Variants in SNX4 observed in about 807,000 individuals in gnomAD.
The protein encoded by SNX4 is sorting nexin-4.
Under a neutral mutation model 70.8 loss-of-function variants are expected in SNX4, and 49 were observed. The observed-to-expected ratio is 0.69, with a 90% CI of 0.55 to 0.88. The LOEUF is 0.88. SNX4 is among the 40% of genes least tolerant of loss of function. SNX4 has a pLI of 0.00. For missense variants in SNX4, 528 were observed against 544.8 expected (o/e 0.97, Z 0.31); for synonymous variants, 206 against 183.8 (o/e 1.12, Z -0.98).
intron 11 of SNX4, among the ~76,000 whole-genome samples, chr3:125,456,564 T>C (rs1032211318): frequency 6.6e-6 from 1 of 152,136 alleles, no homozygotes; most frequent in African/African-American, 2.4e-5. Flanking sequence ...GGAAGACCAC[T>C]TGATCCCAGG....
intron 7 of SNX4, 125 bp downstream of exon 7, chr3:125,480,122 A>T: frequency 2.0e-6 from 1 of 499,958 alleles, no homozygotes; most frequent in Non-Finnish European, 3.5e-6. Context: ...GATGATGAAC[A>T]TATAAATTCA....
At chr3:125,451,097 C>T (rs532704782) in intron 13 of SNX4, among the ~76,000 whole-genome samples, 2 of 152,060 alleles carry the variant, frequency 1.3e-5, no homozygotes, top group African/African-American at 4.8e-5. Flanking sequence ...GAGACCCCCC[C>T]ATATCTATTT....
intron 2 of SNX4, among the ~76,000 whole-genome samples, chr3:125,500,937 C>T (rs945001470): frequency 1.4e-5 from 2 of 144,658 alleles, no homozygotes; most frequent in Non-Finnish European, 3.0e-5. Flanking sequence ...GACAATTGGA[C>T]TACAGACAGT....
intron 6 of SNX4, among the ~76,000 whole-genome samples, chr3:125,486,981 T>C (rs2107550338): frequency 6.6e-6 from 1 of 152,214 alleles, no homozygotes; most frequent in East Asian, 1.9e-4. Context: ...CACATAAAAG[T>C]AGAAGACTCC....
chr3:125,490,557 A>G lies in SNX4; in HGVS notation c.598-1094T>C, dbSNP rs541257566. On this transcript the variant is annotated intron_variant, in intron 5 of 13. Transcript: ENST00000251775. Reference sequence around the variant, plus strand: ...AAAAAAAAAAAAAAGAAATACATGTACTAAGTAACACTCTACTAAATAAAA... The same window carrying G: ...AAAAAAAAAAAAAAGAAATACATGTGCTAAGTAACACTCTACTAAATAAAA... Among the ~76,000 whole-genome samples, 62 of 151,332 alleles carry G rather than the reference A, an allele frequency of 4.1e-4. No individual in the cohort carries two copies. In the South Asian group the frequency reaches 0.013, roughly 31 times the overall value.
In SNX4 at chr3:125,495,265, T is replaced by TAC. The variant is rs1934761973; in HGVS notation, c.597+2075_597+2076insGT. 5.8e-5 allele frequency among the ~76,000 whole-genome samples: 4 copies of TAC among 69,224 alleles called. 1 individual carries two copies. In the South Asian group the frequency reaches 2.0e-3, roughly 34 times the overall value. The allele number at this position is 69,224 out of a possible 152,430, so 45.4% of individuals were successfully genotyped here. On this transcript the variant is annotated intron_variant, in intron 5 of 13. Coordinates refer to ENST00000251775, the MANE Select transcript of SNX4 (RefSeq NM_003794.4). ...CATTCTCTCTTTATATATATATATATATATATATATATACACATACACACA... is the reference window on the plus strand; with the variant it reads ...CATTCTCTCTTTATATATATATATATACATATATATATATACACATACACACA...
At chr3:125,495,272 A>ATATATATATATATATATATATATG (rs1934763066) in intron 5 of SNX4, among the ~76,000 whole-genome samples, 1 of 85,218 alleles carries the variant, frequency 1.2e-5, no homozygotes, top group African/African-American at 4.1e-5. Context: ...ATATATATAT[A>ATATATATATATATATATATATATG]TATATACACA....
At chr3:125,506,800 G>A (rs1935052279) in intron 1 of SNX4, among the ~76,000 whole-genome samples, 1 of 37,066 alleles carries the variant, frequency 2.7e-5, no homozygotes, top group African/African-American at 8.4e-5. Context: ...AGAACTTAAA[G>A]AAAGATGTGG....
intron 1 of SNX4, among the ~76,000 whole-genome samples, chr3:125,506,404 A>G (rs1397079395): frequency 6.6e-6 from 1 of 150,666 alleles, no homozygotes; most frequent in African/African-American, 2.5e-5. Flanking sequence ...GCTGTGGTGC[A>G]ATCTCAATTC....
chr3:125,462,469 A>T (rs1266177165), intron 9 of SNX4, among the ~76,000 whole-genome samples: 1 of 151,916 alleles, frequency 6.6e-6, no homozygotes. Context: ...GCATGCCTAT[A>T]GTCCCAGGTG....
chr3:125,510,224 AGAT>A (rs1471956499), intron 1 of SNX4, among the ~76,000 whole-genome samples: 1 of 152,100 alleles, frequency 6.6e-6, no homozygotes, highest in Non-Finnish European at 1.5e-5. Context: ...GTCCATCAAC[AGAT>A]GAATGGATTT....
At chr3:125,459,047 G>A (rs1198787541) in intron 10 of SNX4, among the ~76,000 whole-genome samples, 1 of 151,968 alleles carries the variant, frequency 6.6e-6, no homozygotes, top group Non-Finnish European at 1.5e-5. Context: ...GGTGGTGCAT[G>A]CCTGTAATCC....
intron 1 of SNX4, among the ~76,000 whole-genome samples, chr3:125,506,962 G>A (rs1386282264): frequency 6.6e-6 from 1 of 151,036 alleles, no homozygotes; most frequent in East Asian, 1.9e-4. Context: ...AGCACTTTGG[G>A]AGGCTGAGGC....
chr3:125,457,789 C>T lies in SNX4; in HGVS notation c.945-424G>A, dbSNP rs146635608. On this transcript the variant is annotated intron_variant, in intron 10 of 13. Transcript: ENST00000251775. ...ATGGGAATTCTCCATATTGGCCAGGCTGGTCTCAAACTGCTGACCTGAGGT... is the reference window on the plus strand; with the variant it reads ...ATGGGAATTCTCCATATTGGCCAGGTTGGTCTCAAACTGCTGACCTGAGGT... 3.4e-3 allele frequency among the ~76,000 whole-genome samples: 512 copies of T among 152,040 alleles called. 2 individuals are homozygous for T. Among genetic ancestry groups the T allele is most frequent in the African/African-American group, 0.012 (496 of 41,482 alleles).
intron 1 of SNX4, among the ~76,000 whole-genome samples, chr3:125,506,217 A>G (rs1216735430): frequency 2.6e-5 from 4 of 152,224 alleles, no homozygotes; most frequent in Admixed American, 6.5e-5. Flanking sequence ...AAAAAAAATC[A>G]CAAGGCATAT....
intron 6 of SNX4, among the ~76,000 whole-genome samples, chr3:125,483,087 T>A (rs1225720993): frequency 2.6e-5 from 4 of 151,602 alleles, no homozygotes; most frequent in Admixed American, 6.6e-5. Context: ...ATATATCTGG[T>A]TAACCATAAG....
intron 13 of SNX4, among the ~76,000 whole-genome samples, chr3:125,448,123 A>T (rs1330644025): frequency 6.6e-6 from 1 of 151,804 alleles, no homozygotes; most frequent in Admixed American, 6.6e-5. Flanking sequence ...TGTAAATCAA[A>T]CAAGTTTTCA....
intron 7 of SNX4, among the ~76,000 whole-genome samples, chr3:125,477,872 A>G (rs1165832405): frequency 6.6e-6 from 1 of 152,110 alleles, no homozygotes; most frequent in African/African-American, 2.4e-5. Context: ...AACAGAAACC[A>G]TAAAGCTAAC....
At chr3:125,510,492 G>A (rs2107571608) in intron 1 of SNX4, among the ~76,000 whole-genome samples, 2 of 152,254 alleles carry the variant, frequency 1.3e-5, no homozygotes, top group South Asian at 4.1e-4. Context: ...GCCTCCCAAA[G>A]TGCTGGGATT....
Sources: allele counts gnomAD v4.1 joint callset (sites outside exome capture counted in the v4.1 genomes callset), GRCh38; gene constraint gnomAD v4.1.1; transcripts MANE v1.5; gene names NCBI Gene and HGNC (gene_info 2026-07-23, HGNC 2026-07-21).